Variants in HNF4G observed in about 807,000 individuals in gnomAD.
The protein encoded by HNF4G is hepatocyte nuclear factor 4 gamma, also known as hepatocyte nuclear factor 4-gamma.
Under a neutral mutation model 50.9 loss-of-function variants are expected in HNF4G, and 21 were observed. The observed-to-expected ratio is 0.41, with a 90% CI of 0.29 to 0.59. The LOEUF (loss-of-function observed/expected upper bound fraction) is 0.59, where lower values mean the gene tolerates loss of function less well. Ranked by LOEUF, HNF4G falls within the 20% of genes least tolerant of loss-of-function variation. The pLI is 0.26. For missense variants in HNF4G, 527 were observed against 559.4 expected, an observed-to-expected ratio of 0.94 and a Z score of 0.58; for synonymous variants, 198 against 185.6, an observed-to-expected ratio of 1.07 and a Z score of -0.54.
chr8:75,536,400 T>C (rs1191314141), upstream of HNF4G, among the ~76,000 whole-genome samples: 6 of 151,972 alleles, frequency 3.9e-5, no homozygotes, highest in African/African-American at 1.4e-4. Flanking sequence ...GTCTTATTTA[T>C]TTAAGGATAA....
At chr8:75,479,565 C>T (rs938338269) in intron 1 of HNF4G, among the ~76,000 whole-genome samples, 8 of 135,702 alleles carry the variant, frequency 5.9e-5, no homozygotes, top group Non-Finnish European at 1.1e-4. Context: ...AAGATTCTAT[C>T]ACTTCATTTG....
chr8:75,465,701 A>C (rs761284162), intron 1 of HNF4G, among the ~76,000 whole-genome samples: 1 of 152,184 alleles, frequency 6.6e-6, no homozygotes, highest in Non-Finnish European at 1.5e-5. Flanking sequence ...TACAACTAGT[A>C]GAAATAAGAA....
intron 1 of HNF4G, among the ~76,000 whole-genome samples, chr8:75,426,369 C>A (rs190676582): frequency 6.6e-6 from 1 of 152,176 alleles, no homozygotes; most frequent in African/African-American, 2.4e-5. Context: ...ATTATCAGAG[C>A]AATACATTTT....
At chr8:75,553,283 A>C in intron 5 of HNF4G, 86 bp downstream of exon 5, 1 of 1,140,668 alleles carries the variant, frequency 8.8e-7, no homozygotes, top group Admixed American at 2.0e-5. Context: ...TTTGTAATGC[A>C]TATTCTATAT....
chr8:75,531,285 T>C (rs1193246492), intron 2 of HNF4G, among the ~76,000 whole-genome samples: 3 of 152,156 alleles, frequency 2.0e-5, no homozygotes, highest in East Asian at 1.9e-4. Flanking sequence ...AAAGAGCTCA[T>C]CAAGTTCCAT....
intron 1 of HNF4G, among the ~76,000 whole-genome samples, chr8:75,433,305 G>T (rs151106658): frequency 1.2e-4 from 18 of 151,932 alleles, no homozygotes; most frequent in East Asian, 7.7e-4. Flanking sequence ...CCACTCAGGA[G>T]GCTGAGGCAG....
rs1271214532 is a variant in HNF4G, at chr8:75,427,449, C to T, written c.-144+19287C>T. ...AAAAATTAGCCTAGTGTGGTGGCAC[C>T]ACCTGTAGTCCCAGCTACTTGGGAG... On this transcript the variant is annotated intron_variant, in intron 1 of 10. Transcript: ENST00000354370. Among the ~76,000 whole-genome samples the T allele has an allele frequency of 1.5e-4, 23 of 151,740 alleles. 1 individual carries two copies. The highest frequency in any genetic ancestry group is 1.4e-3 in the Admixed American group (22 of 15,208).
intron 9 of HNF4G, among the ~76,000 whole-genome samples, chr8:75,563,580 ATT>A (rs1437014752): frequency 1.3e-5 from 2 of 152,084 alleles, no homozygotes; most frequent in Non-Finnish European, 2.9e-5. Flanking sequence ...TTTTATGTGA[ATT>A]TTGATTATAA....
chr8:75,544,653 T>G (rs548753455), intron 2 of HNF4G, among the ~76,000 whole-genome samples: 1 of 149,894 alleles, frequency 6.7e-6, no homozygotes, highest in East Asian at 1.9e-4. Context: ...TTCTTGGGTT[T>G]TTTTTTTTTG....
intron 1 of HNF4G, among the ~76,000 whole-genome samples, chr8:75,449,776 G>T (rs979591141): frequency 2.0e-5 from 3 of 151,864 alleles, no homozygotes; most frequent in Non-Finnish European, 4.4e-5. Context: ...CAAAGTGCTG[G>T]GATTACAGGC....
intron 1 of HNF4G, among the ~76,000 whole-genome samples, chr8:75,413,054 T>A (rs1043192242): frequency 6.6e-6 from 1 of 151,632 alleles, no homozygotes; most frequent in Admixed American, 6.6e-5. Context: ...AGAAAAGTAT[T>A]TGGGGCAGAG....
chr8:75,563,937 C>T, intron 9 of HNF4G, 38 bp from the exon 10 acceptor site: 1 of 1,609,082 alleles, frequency 6.2e-7, no homozygotes, highest in Non-Finnish European at 8.5e-7. Flanking sequence ...GGAAGACTGA[C>T]TGCCACCATT....
At chr8:75,425,134 G>A (rs1052957499) in intron 1 of HNF4G, among the ~76,000 whole-genome samples, 2 of 151,402 alleles carry the variant, frequency 1.3e-5, no homozygotes, top group African/African-American at 2.4e-5. Context: ...CACCTGGGCT[G>A]GAGTGCAGTG....
At chr8:75,448,864 C>G (rs1811499912) in intron 1 of HNF4G, among the ~76,000 whole-genome samples, 1 of 152,038 alleles carries the variant, frequency 6.6e-6, no homozygotes, top group African/African-American at 2.4e-5. Flanking sequence ...AATCAAGCAA[C>G]CTGTTGACAT....
At chr8:75,554,041 T>C (rs1228892681) in intron 5 of HNF4G, among the ~76,000 whole-genome samples, 1 of 152,100 alleles carries the variant, frequency 6.6e-6, no homozygotes, top group African/African-American at 2.4e-5. Context: ...GTAAGTGTTA[T>C]AACCAGTGTA....
Sources: gnomAD v4.1 joint callset for allele counts (sites outside exome capture counted in the v4.1 genomes callset) on GRCh38, gnomAD v4.1.1 for gene constraint, MANE v1.5 for transcripts, NCBI Gene and HGNC (gene_info 2026-07-23, HGNC 2026-07-21) for gene names.